The following KCNH5 variants were observed in gnomAD, a reference collection of about 807,000 sequenced individuals.
KCNH5 encodes the protein potassium voltage-gated channel subfamily H member 5, also known as voltage-gated delayed rectifier potassium channel KCNH5.
Under a neutral mutation model 96.1 loss-of-function variants are expected in KCNH5, and 46 were observed. The ratio of observed to expected loss-of-function variants is 0.48; its 90% CI spans 0.38 to 0.61. The LOEUF is 0.61. Among genes scored for constraint, KCNH5 ranks in the 20% least tolerant of loss-of-function variants. KCNH5 has a pLI of 0.00. For missense variants in KCNH5, 907 were observed against 1,225.8 expected, an observed-to-expected ratio of 0.74 and a Z score of 3.88; for synonymous variants, 439 against 449.8, an observed-to-expected ratio of 0.98 and a Z score of 0.30.
chr14:62,734,595 C>A (rs551751928), intron 10 of KCNH5, among the ~76,000 whole-genome samples: 2 of 152,210 alleles, frequency 1.3e-5, no homozygotes, highest in South Asian at 4.1e-4. Context: ...TCCCCACATA[C>A]ACTAGCATTA....
At chr14:62,961,964 G>A (rs1299205492) in intron 6 of KCNH5, among the ~76,000 whole-genome samples, 3 of 151,900 alleles carry the variant, frequency 2.0e-5, no homozygotes, top group African/African-American at 7.3e-5. Flanking sequence ...GTTACAGATG[G>A]AGACGGAGAT....
intron 10 of KCNH5, among the ~76,000 whole-genome samples, chr14:62,724,987 G>T (rs1291167255): frequency 6.6e-6 from 1 of 152,220 alleles, no homozygotes; most frequent in African/African-American, 2.4e-5. Context: ...GTCATCATTG[G>T]AAAGTCTGGT....
intron 10 of KCNH5, among the ~76,000 whole-genome samples, chr14:62,731,587 T>C (rs1473505188): frequency 6.6e-6 from 1 of 152,206 alleles, no homozygotes; most frequent in Non-Finnish European, 1.5e-5. Flanking sequence ...ATATTTGCTT[T>C]AATCTTCAGA....
At position 62,935,062 on chromosome 14, in the gene KCNH5, A is replaced by G. The variant is rs111686076; in HGVS notation, c.1369+15071T>C. Among the ~76,000 whole-genome samples the G allele has an allele frequency of 4.6e-5, 7 of 152,290 alleles. No individual in the cohort carries two copies. The East Asian group carries it at 7.7e-4, about 17-fold the overall frequency. On this transcript the variant is annotated intron_variant, in intron 7 of 10. Transcript: ENST00000322893. ...CACAGATGTGGCAGTCAAGCGTACT[A>G]TGAAAGGTGGAAAAGTGGGGGGATG...
intron 10 of KCNH5, among the ~76,000 whole-genome samples, chr14:62,759,399 A>G (rs1196407004): frequency 1.3e-5 from 2 of 152,076 alleles, no homozygotes; most frequent in East Asian, 3.9e-4. Context: ...GGCATCAATT[A>G]TGAATTTATT....
intron 6 of KCNH5, among the ~76,000 whole-genome samples, chr14:62,976,266 T>C (rs1362786250): frequency 6.6e-6 from 1 of 151,736 alleles, no homozygotes. Flanking sequence ...TAGCCAGGCA[T>C]GGTGGCAGCG....
intron 8 of KCNH5, among the ~76,000 whole-genome samples, chr14:62,827,338 G>T (rs1180921283): frequency 6.6e-6 from 1 of 152,132 alleles, no homozygotes; most frequent in Non-Finnish European, 1.5e-5. Flanking sequence ...CTTGGTGCTT[G>T]TTAGAAACAC....
At chr14:62,792,949 G>C (rs545521441) in intron 9 of KCNH5, among the ~76,000 whole-genome samples, 1 of 151,826 alleles carries the variant, frequency 6.6e-6, no homozygotes, top group South Asian at 2.1e-4. Flanking sequence ...GCATACAATG[G>C]AATATTATTC....
chr14:63,033,447 A>G (rs1414855519), intron 1 of KCNH5, among the ~76,000 whole-genome samples: 2 of 152,192 alleles, frequency 1.3e-5, no homozygotes, highest in African/African-American at 4.8e-5. Context: ...GTAGGTATCA[A>G]TTTAACACTA....
At position 62,923,646 on chromosome 14, in the gene KCNH5, G is replaced by A. The variant is rs145140255; in HGVS notation, c.1369+26487C>T. On this transcript the variant is annotated intron_variant, in intron 7 of 10. Coordinates refer to ENST00000322893, the MANE Select transcript of KCNH5 (RefSeq NM_139318.5). ...ATGTAGACCAATGGAACAGGACAGA[G>A]AATCCAAAAATAAACCCACACCTGT... 6.6e-5 allele frequency among the ~76,000 whole-genome samples: 10 copies of A among 151,938 alleles called. No individual in the cohort carries two copies. In the East Asian group the frequency reaches 1.9e-3, roughly 29 times the overall value.
chr14:62,847,429 TG>T (rs1887722327), intron 8 of KCNH5, among the ~76,000 whole-genome samples: 1 of 152,158 alleles, frequency 6.6e-6, no homozygotes, highest in African/African-American at 2.4e-5. Context: ...CCTTCAGTGC[TG>T]TTAACCTAGA....
chr14:63,001,383 A>G lies in KCNH5; in HGVS notation c.381T>C (p.Thr127=), dbSNP rs1322591736. 1.9e-6 allele frequency: 3 copies of G among 1,613,100 alleles called. No individual in the cohort carries two copies. The highest frequency in any genetic ancestry group is 1.7e-6 in the Non-Finnish European group (2 of 1,179,520). ...GTTTGAACAACGTAATATCCTTGAA[A>G]GTACACAGGAACAAGACCACCTTTT... The part of the protein sequence containing the change: ...EHEKVVLFLC[T]FKDITLFKQP... Residue 127 remains threonine, a synonymous_variant, in exon 4 of 11, where the codon ACT becomes ACC. Transcript: ENST00000322893.
intron 1 of KCNH5, among the ~76,000 whole-genome samples, chr14:63,044,405 G>T (rs539719382): frequency 9.9e-5 from 15 of 152,212 alleles, no homozygotes; most frequent in South Asian, 4.1e-4. Flanking sequence ...GCATCTTTTT[G>T]ATTTTTTTCT....
At chr14:62,729,663 CAA>C (rs1396782176) in intron 10 of KCNH5, among the ~76,000 whole-genome samples, 1 of 152,164 alleles carries the variant, frequency 6.6e-6, no homozygotes, top group African/African-American at 2.4e-5. Flanking sequence ...CTAAGATCCC[CAA>C]ACTATTTCCT....
Position 62,713,334 on chromosome 14 carries a change from AGCTATATCATTT to A in KCNH5, c.2020-4891_2020-4880del, listed in dbSNP as rs541618046. Among the ~76,000 whole-genome samples, 11 of 152,298 alleles carry A rather than the reference AGCTATATCATTT, an allele frequency of 7.2e-5. No homozygotes were observed. The East Asian group carries it at 2.1e-3, about 29-fold the overall frequency. ...TGTCTACTCCTCATTTGGAAGCAGG[AGCTATATCATTT>A]GCCTTCTGGCATTCCTAGAACCTAC... On this transcript the variant is annotated intron_variant, in intron 10 of 10. Coordinates refer to ENST00000322893, the MANE Select transcript of KCNH5 (RefSeq NM_139318.5).
At chr14:62,910,144 TTA>T (rs1889121209) in intron 7 of KCNH5, among the ~76,000 whole-genome samples, 1 of 139,286 alleles carries the variant, frequency 7.2e-6, no homozygotes, top group South Asian at 2.2e-4. Context: ...CACTAACATG[TTA>T]CACACACACA....
intron 8 of KCNH5, among the ~76,000 whole-genome samples, chr14:62,842,274 T>C (rs1414919513): frequency 1.3e-5 from 2 of 152,238 alleles, no homozygotes; most frequent in African/African-American, 2.4e-5. Flanking sequence ...CTGCTTGTAA[T>C]GTTTTCAATA....
intron 7 of KCNH5, among the ~76,000 whole-genome samples, chr14:62,893,228 T>A (rs1307295194): frequency 6.6e-6 from 1 of 152,190 alleles, no homozygotes; most frequent in Non-Finnish European, 1.5e-5. Context: ...CCCTCATGGA[T>A]GACTTTGAGG....
intron 8 of KCNH5, among the ~76,000 whole-genome samples, chr14:62,849,144 A>T (rs1887754991): frequency 6.6e-6 from 1 of 152,218 alleles, no homozygotes; most frequent in Non-Finnish European, 1.5e-5. Flanking sequence ...AGATGTGTGT[A>T]AGGTAAAGTG....
Sources: gnomAD v4.1 joint callset for allele counts (sites outside exome capture counted in the v4.1 genomes callset) on GRCh38, gnomAD v4.1.1 for gene constraint, MANE v1.5 for transcripts, NCBI Gene and HGNC (gene_info 2026-07-23, HGNC 2026-07-21) for gene names.